Variants in TIAM1 observed in about 807,000 individuals in gnomAD.
TIAM1 encodes the protein rho guanine nucleotide exchange factor TIAM1.
A neutral mutation model predicts 163.5 loss-of-function variants in TIAM1; 65 were observed. The observed-to-expected ratio is 0.40, with a 90% CI of 0.33 to 0.49. TIAM1 has a LOEUF of 0.49. Ranked by LOEUF, TIAM1 falls within the 20% of genes least tolerant of loss-of-function variation. The pLI is 0.77. For missense variants in TIAM1, 1,789 were observed against 2,044.7 expected (o/e 0.87, Z 2.41); for synonymous variants, 833 against 810.1 (o/e 1.03, Z -0.48).
intron 4 of TIAM1, among the ~76,000 whole-genome samples, chr21:31,258,262 A>C (rs1032578330): frequency 6.6e-6 from 1 of 152,114 alleles, no homozygotes; most frequent in Non-Finnish European, 1.5e-5. Flanking sequence ...CTTCAAAAAT[A>C]ATTGCTGAAT....
At position 31,225,719 on chromosome 21, in the gene TIAM1, C is replaced by T. The variant is rs374893728; in HGVS notation, c.1809+7G>A. On this transcript the variant is annotated splice_region_variant and intron_variant, in intron 7 of 27. Transcript: ENST00000541036. ...TTGTCCGGACCTAAACACGGAAGAA[C>T]GATTACCTGATCTAATATTGTTTTC... is the stretch of plus-strand genomic sequence containing the variant. 2.0e-5 allele frequency: 32 copies of T among 1,603,934 alleles called. No individual in the cohort carries two copies. In the South Asian group the frequency reaches 2.3e-4, roughly 12 times the overall value.
intron 1 of TIAM1, among the ~76,000 whole-genome samples, chr21:31,509,875 C>T (rs1045897106): frequency 6.6e-5 from 10 of 152,136 alleles, no homozygotes; most frequent in Non-Finnish European, 7.4e-5. Context: ...AGCCAATTAC[C>T]GCTGGGCCCC....
At chr21:31,407,627 TAA>T (rs1342164325) in intron 2 of TIAM1, among the ~76,000 whole-genome samples, 80 of 146,152 alleles carry the variant, frequency 5.5e-4, no homozygotes, top group Middle Eastern at 6.8e-3. Flanking sequence ...CATTTGCTCT[TAA>T]TTTTTTTTTT....
At chr21:31,298,824 G>A (rs1055303440) in intron 2 of TIAM1, among the ~76,000 whole-genome samples, 15 of 136,338 alleles carry the variant, frequency 1.1e-4, no homozygotes, top group South Asian at 2.4e-4. Context: ...GAGAGAGAGA[G>A]AAAAACAGAT....
intron 5 of TIAM1, 76 bp downstream of exon 5, chr21:31,251,666 C>G: frequency 8.5e-6 from 12 of 1,419,864 alleles, no homozygotes; most frequent in Admixed American, 2.3e-5. Flanking sequence ...CAAACCCACC[C>G]ATCCCGTGAG....
intron 2 of TIAM1, among the ~76,000 whole-genome samples, chr21:31,321,147 C>T (rs566532013): frequency 3.9e-4 from 59 of 149,598 alleles, no homozygotes; most frequent in Admixed American, 1.8e-3. Flanking sequence ...AAGAAGGGGG[C>T]GGGGGGGGAT....
At chr21:31,243,360 G>C (rs1216266054) in intron 6 of TIAM1, among the ~76,000 whole-genome samples, 3 of 150,640 alleles carry the variant, frequency 2.0e-5, no homozygotes, top group Admixed American at 2.0e-4. Flanking sequence ...GTGAGATTAA[G>C]GAATAGAATG....
intron 1 of TIAM1, among the ~76,000 whole-genome samples, chr21:31,486,346 G>A (rs1302295718): frequency 6.6e-6 from 1 of 152,204 alleles, no homozygotes; most frequent in Non-Finnish European, 1.5e-5. Flanking sequence ...AGCTGCACCG[G>A]CGTCATCCTG....
chr21:31,453,626 G>A (rs2044963064), intron 2 of TIAM1, among the ~76,000 whole-genome samples: 2 of 151,916 alleles, frequency 1.3e-5, no homozygotes, highest in South Asian at 4.1e-4. Context: ...CCAGGAGGCA[G>A]AGGTTGCAGT....
At chr21:31,473,369 G>C (rs2045816424) in intron 1 of TIAM1, among the ~76,000 whole-genome samples, 1 of 135,462 alleles carries the variant, frequency 7.4e-6, no homozygotes, top group South Asian at 2.6e-4. Flanking sequence ...GGCAGAGCTT[G>C]CAGTGAGCCG....
intron 2 of TIAM1, among the ~76,000 whole-genome samples, chr21:31,384,963 C>T (rs1452695178): frequency 1.3e-5 from 2 of 152,180 alleles, no homozygotes; most frequent in African/African-American, 4.8e-5. Context: ...TGAATGCTGT[C>T]CCCTCTAAAT....
intron 16 of TIAM1, among the ~76,000 whole-genome samples, chr21:31,159,338 T>G (rs1020380345): frequency 6.6e-6 from 1 of 152,074 alleles, no homozygotes; most frequent in African/African-American, 2.4e-5. Context: ...GAAAAGAAAG[T>G]ACAAAAAGAG....
At chr21:31,529,024 C>T (rs2047884933) in intron 1 of TIAM1, among the ~76,000 whole-genome samples, 1 of 150,736 alleles carries the variant, frequency 6.6e-6, no homozygotes, top group Non-Finnish European at 1.5e-5. Flanking sequence ...CGGGTTCACG[C>T]CATTCTCCCA....
At chr21:31,475,235 G>A (rs2045901397) in intron 1 of TIAM1, among the ~76,000 whole-genome samples, 1 of 151,510 alleles carries the variant, frequency 6.6e-6, no homozygotes, top group Admixed American at 6.6e-5. Flanking sequence ...GTATTCCTTT[G>A]TAGAGACAGG....
intron 19 of TIAM1, 88 bp from the exon 20 acceptor site, chr21:31,147,091 T>C: frequency 1.9e-6 from 2 of 1,072,156 alleles, no homozygotes; most frequent in South Asian, 2.7e-5. Flanking sequence ...CACATCTGCC[T>C]GGCCCACCCC....
At chr21:31,128,529 G>A (rs754847327) in intron 25 of TIAM1, among the ~76,000 whole-genome samples, 21 of 152,306 alleles carry the variant, frequency 1.4e-4, no homozygotes, top group Non-Finnish European at 1.9e-4. Context: ...AACCTGGCAT[G>A]AGGAAACAAA....
Position 31,381,095 on chromosome 21 carries a change from G to GGGTTT in TIAM1, c.-368-41674_-368-41673insAAACC, listed in dbSNP as rs528700841. Among the ~76,000 whole-genome samples, 765 of 152,298 alleles carry GGGTTT rather than the reference G, an allele frequency of 5.0e-3. 4 individuals carry two copies. The highest frequency in any genetic ancestry group is 0.018 in the African/African-American group (731 of 41,548). ...TGCAATATACTAAACCTTGCTAGAA[G>GGGTTT]ACACAGATAATACAGTCCCTTTCTT... On this transcript the variant is annotated intron_variant, in intron 2 of 28. Transcript: ENST00000286827.
At position 31,266,831 on chromosome 21, in the gene TIAM1, T is replaced by A; in HGVS notation, c.142A>T (p.Ile48Phe). The change falls in exon 4 of 28, where the codon ATC becomes TTC. Residue 48 changes from isoleucine to phenylalanine, a missense_variant. Around this residue, in one of 5 missense-constraint regions of TIAM1, gnomAD observed 555 missense variants for 564.9 expected, o/e 0.98. Transcript: ENST00000541036. Reference sequence around the variant, plus strand: ...GTGCTCACTTCGGAGTTCCTGTGGATCACCTTCCCCGAGGAAGCGTGCCTG... The same window carrying A: ...GTGCTCACTTCGGAGTTCCTGTGGAACACCTTCCCCGAGGAAGCGTGCCTG... The part of the protein sequence containing the change: ...RTRHASSGKV[I>F]HRNSEVSTRS... The A allele has an allele frequency of 1.9e-5, 30 of 1,614,166 alleles. No homozygotes were observed. Among genetic ancestry groups the A allele is most frequent in the Non-Finnish European group, 2.5e-5 (30 of 1,180,026 alleles).
chr21:31,222,801 A>ACCT (rs757360055), intron 8 of TIAM1, among the ~76,000 whole-genome samples: 42 of 137,584 alleles, frequency 3.1e-4, no homozygotes, highest in Non-Finnish European at 5.2e-4. Context: ...CACTGTGACA[A>ACCT]CCTCCTCCTA....
Sources: allele counts gnomAD v4.1 joint callset (sites outside exome capture counted in the v4.1 genomes callset), GRCh38; gene constraint gnomAD v4.1.1; regional missense constraint gnomAD v4.1.1; transcripts MANE v1.5; gene names NCBI Gene and HGNC (gene_info 2026-07-23, HGNC 2026-07-21).